Variants in SIPA1L3 observed in about 807,000 individuals in gnomAD.
SIPA1L3 encodes signal induced proliferation associated 1 like 3, also known as signal-induced proliferation-associated 1-like protein 3.
SIPA1L3 carries 59 observed loss-of-function variants against 150.1 expected under a neutral mutation model. That is an observed-to-expected ratio of 0.39 (90% CI 0.32 to 0.49). SIPA1L3 has a LOEUF of 0.49. Among genes scored for constraint, SIPA1L3 ranks in the 20% least tolerant of loss-of-function variants. The probability of loss-of-function intolerance (pLI) is 0.86; values close to 1 mark genes in which losing one functional copy is unlikely to be tolerated. For missense variants in SIPA1L3, 2,211 were observed against 2,489.5 expected, an observed-to-expected ratio of 0.89 and a Z score of 2.38; for synonymous variants, 1,070 against 1,077.6, an observed-to-expected ratio of 0.99 and a Z score of 0.14.
Position 38,047,879 on chromosome 19 carries a change from A to G in SIPA1L3, c.-311+18723A>G, listed in dbSNP as rs1969097085. Among the ~76,000 whole-genome samples, 1 of 152,232 alleles carries G rather than the reference A, an allele frequency of 6.6e-6. No homozygotes were observed. The highest frequency in any genetic ancestry group is 2.4e-5 in the African/African-American group (1 of 41,456). ...GGTCCTGTCTCTCATCCTCAGCTCCAGTCAGCTGGGGATTAACCCCCTGCC... is the reference window on the plus strand; with the variant it reads ...GGTCCTGTCTCTCATCCTCAGCTCCGGTCAGCTGGGGATTAACCCCCTGCC... On this transcript the variant is annotated intron_variant, in intron 2 of 21. Transcript: ENST00000222345. This position sits in a 1 kb window ranked among gnomAD's most constrained non-coding sequence, Gnocchi z 4.7.
In SIPA1L3 at chr19:38,082,223, G is replaced by T; in HGVS notation, c.658G>T (p.Asp220Tyr). The T allele has an allele frequency of 6.2e-7, 1 of 1,602,334 alleles. No homozygotes were observed. The highest frequency in any genetic ancestry group is 1.3e-5 in the African/African-American group (1 of 75,036). The change falls in exon 3 of 22, where the codon GAC becomes TAC. Residue 220 changes from aspartate (D) to tyrosine (Y), a missense_variant. This residue lies in a region of SIPA1L3 where 587 missense variants were observed against 534.5 expected (regional missense o/e 1.10). Coordinates refer to ENST00000222345, the MANE Select transcript of SIPA1L3 (RefSeq NM_015073.3). ...VQGMPEQSFFDILNEFRSEQP... is the reference protein window; with the variant it reads ...VQGMPEQSFFYILNEFRSEQP... Reference sequence around the variant, plus strand: ...GGGCATGCCCGAGCAGAGCTTCTTCGACATCCTGAACGAGTTCCGCAGCGA... The same window carrying T: ...GGGCATGCCCGAGCAGAGCTTCTTCTACATCCTGAACGAGTTCCGCAGCGA...
At chr19:38,114,704 C>G (rs1970843077) in intron 8 of SIPA1L3, among the ~76,000 whole-genome samples, 1 of 152,208 alleles carries the variant, frequency 6.6e-6, no homozygotes, top group Non-Finnish European at 1.5e-5. Context: ...CATGTTTAAA[C>G]CATTACTTTA....
At chr19:38,112,082 C>CACACAT (rs3083589) in intron 8 of SIPA1L3, among the ~76,000 whole-genome samples, 36,270 of 146,462 alleles carry the variant, frequency 0.25, 6,537 homozygotes, top group African/African-American at 0.52. Context: ...ACCATGCGTC[C>CACACAT]GCACATGCAC....
chr19:38,164,504 C>T lies in SIPA1L3; in HGVS notation c.3806C>T (p.Ser1269Phe). The T allele has an allele frequency of 6.2e-7, 1 of 1,612,384 alleles. No individual in the cohort carries two copies. The highest frequency in any genetic ancestry group is 8.5e-7 in the Non-Finnish European group (1 of 1,178,754). ...GGAGAACCTCAATACTCAAGTCATTCCAGCAGCAACACCCTCTCCAGCAAC... is the reference window on the plus strand; with the variant it reads ...GGAGAACCTCAATACTCAAGTCATTTCAGCAGCAACACCCTCTCCAGCAAC... Reference protein sequence around the residue: ...SKGEPQYSSHSSSNTLSSNAS... With the variant: ...SKGEPQYSSHFSSNTLSSNAS... Residue 1269 changes from serine to phenylalanine, a missense_variant, in exon 15 of 22, where the codon TCC becomes TTC. Ser to Phe is a radical substitution (Grantham distance 155, BLOSUM62 -2). Coordinates refer to ENST00000222345, the MANE Select transcript of SIPA1L3 (RefSeq NM_015073.3). The surrounding 1 kb of genome is among the most constrained non-coding windows in gnomAD (Gnocchi z 4.1).
At chr19:37,945,474 C>T (rs1223213336) in intron 1 of SIPA1L3, among the ~76,000 whole-genome samples, 2 of 152,046 alleles carry the variant, frequency 1.3e-5, no homozygotes, top group African/African-American at 4.8e-5. Context: ...CTGAGCTCAG[C>T]AATCTGCCCA....
chr19:38,193,631 AGCCAGG>A lies in SIPA1L3; in HGVS notation c.4694_4699del (p.Pro1565_Gly1566del). 1 of 1,579,378 alleles carries A rather than the reference AGCCAGG, an allele frequency of 6.3e-7. No individual in the cohort carries two copies. Among genetic ancestry groups the A allele is most frequent in the Non-Finnish European group, 8.5e-7 (1 of 1,170,754 alleles). On this transcript the variant is annotated inframe_deletion, in exon 18 of 22. Coordinates refer to ENST00000222345, the MANE Select transcript of SIPA1L3 (RefSeq NM_015073.3). ...AGCTTCGCCAGCCCCGCTGGCCTAG[AGCCAGG>A]GCTGCCCAGCGACGTGCTCTTCACC...
intron 1 of SIPA1L3, among the ~76,000 whole-genome samples, chr19:38,002,461 G>A (rs1294699441): frequency 1.3e-5 from 2 of 151,962 alleles, no homozygotes; most frequent in Non-Finnish European, 2.9e-5. Flanking sequence ...GTGGCCAGGT[G>A]CGGTGGCTCA....
intron 1 of SIPA1L3, among the ~76,000 whole-genome samples, chr19:37,914,351 G>C (rs897546924): frequency 6.6e-6 from 1 of 150,844 alleles, no homozygotes; most frequent in Non-Finnish European, 1.5e-5. Flanking sequence ...TTAATTCCTA[G>C]TTTTCAAGTT....
At chr19:38,189,805 A>G (rs1303510930) in intron 16 of SIPA1L3, among the ~76,000 whole-genome samples, 1 of 152,206 alleles carries the variant, frequency 6.6e-6, no homozygotes, top group Non-Finnish European at 1.5e-5. Flanking sequence ...ACACGTGTCC[A>G]GTATTAGAAA....
At chr19:37,961,104 A>G (rs1226647362) in intron 1 of SIPA1L3, among the ~76,000 whole-genome samples, 1 of 151,578 alleles carries the variant, frequency 6.6e-6, no homozygotes, top group Non-Finnish European at 1.5e-5. Flanking sequence ...CCTGGCCTCA[A>G]GTGATCCACC....
intron 6 of SIPA1L3, among the ~76,000 whole-genome samples, chr19:38,103,170 T>C (rs1970546088): frequency 6.7e-6 from 1 of 149,944 alleles, no homozygotes; most frequent in Non-Finnish European, 1.5e-5. Flanking sequence ...CTGGAGACAA[T>C]ATGCAGGATA....
Position 38,182,647 on chromosome 19 carries a change from TCTC to T in SIPA1L3, c.4339_4341del (p.Ser1447del). On this transcript the variant is annotated inframe_deletion, in exon 16 of 22. Transcript: ENST00000222345. ...TCCGCCTCCGTCCCCAAGTCCTTCT[TCTC>T]CAAGCAGCCTGTACGCAATAAGCAC... The T allele has an allele frequency of 6.2e-7, 1 of 1,614,050 alleles. No individual in the cohort carries two copies. Among genetic ancestry groups the T allele is most frequent in the Non-Finnish European group, 8.5e-7 (1 of 1,179,984 alleles).
intron 1 of SIPA1L3, among the ~76,000 whole-genome samples, chr19:37,921,246 C>G (rs1450059373): frequency 6.6e-6 from 1 of 152,230 alleles, no homozygotes. Context: ...CGTGCGCTCC[C>G]CGCTCCCATC....
chr19:38,165,681 T>C (rs1314081074), intron 15 of SIPA1L3, among the ~76,000 whole-genome samples: 1 of 152,234 alleles, frequency 6.6e-6, no homozygotes, highest in Non-Finnish European at 1.5e-5. Flanking sequence ...CCTCAAAGGC[T>C]TGTTCAGCCC....
At chr19:38,051,577 T>C (rs1250745058) in intron 2 of SIPA1L3, among the ~76,000 whole-genome samples, 2 of 152,056 alleles carry the variant, frequency 1.3e-5, no homozygotes, top group African/African-American at 4.8e-5. Context: ...TGGTTTTGAT[T>C]TGTTTCTTAG....
intron 4 of SIPA1L3, among the ~76,000 whole-genome samples, chr19:38,098,121 C>T (rs1337048345): frequency 2.0e-5 from 3 of 152,162 alleles, no homozygotes; most frequent in African/African-American, 7.2e-5. Context: ...TGAACTGCAC[C>T]TTCATAAATG....
At chr19:38,063,189 G>A (rs772479066) in intron 2 of SIPA1L3, among the ~76,000 whole-genome samples, 1 of 152,172 alleles carries the variant, frequency 6.6e-6, no homozygotes, top group Non-Finnish European at 1.5e-5. Flanking sequence ...CCAGCAGCTG[G>A]GTTTCCCCTC....
intron 1 of SIPA1L3, among the ~76,000 whole-genome samples, chr19:37,965,704 C>G (rs1013322124): frequency 3.3e-5 from 5 of 151,678 alleles, no homozygotes; most frequent in Non-Finnish European, 2.9e-5. Context: ...TGTCTTCTAC[C>G]CACCTCCCTG....
At chr19:38,085,041 T>G (rs1970095504) in intron 3 of SIPA1L3, among the ~76,000 whole-genome samples, 1 of 151,942 alleles carries the variant, frequency 6.6e-6, no homozygotes, top group Non-Finnish European at 1.5e-5. Context: ...CAACTTGGAG[T>G]CAGACAGCCC....
Sources: allele counts gnomAD v4.1 joint callset (sites outside exome capture counted in the v4.1 genomes callset), GRCh38; gene constraint gnomAD v4.1.1; regional missense constraint gnomAD v4.1.1; non-coding constraint Gnocchi (gnomAD v3.1); transcripts MANE v1.5; gene names NCBI Gene and HGNC (gene_info 2026-07-23, HGNC 2026-07-21).